The following BTBD9 variants were observed in gnomAD, a reference collection of about 807,000 sequenced individuals.
BTBD9 encodes the protein BTB domain containing 9, also known as BTB/POZ domain-containing protein 9.
BTBD9 carries 49 observed loss-of-function variants against 64.3 expected under a neutral mutation model. That is an observed-to-expected ratio of 0.76 (90% CI 0.61 to 0.97). The LOEUF is 0.97. BTBD9 is among the 50% of genes least tolerant of loss of function. BTBD9 has a pLI of 0.00. For missense variants in BTBD9, 598 were observed against 762.1 expected (o/e 0.78, Z 2.53); for synonymous variants, 260 against 274.7 (o/e 0.95, Z 0.53).
At chr6:38,545,489 T>C (rs913032401) in intron 6 of BTBD9, among the ~76,000 whole-genome samples, 6 of 152,040 alleles carry the variant, frequency 3.9e-5, no homozygotes, top group Admixed American at 3.3e-4. Context: ...TTTAAAAGAA[T>C]GAATTTTAGG....
chr6:38,300,315 G>C (rs534065662), intron 7 of BTBD9, among the ~76,000 whole-genome samples: 3 of 152,226 alleles, frequency 2.0e-5, no homozygotes, highest in Admixed American at 1.3e-4. Context: ...TTGTTCTTTA[G>C]GCTTAGGATT....
chr6:38,414,159 A>G (rs1767561873), intron 6 of BTBD9, among the ~76,000 whole-genome samples: 1 of 152,202 alleles, frequency 6.6e-6, no homozygotes, highest in South Asian at 2.1e-4. Flanking sequence ...AACTGACAAA[A>G]TTCGCCATTT....
intron 6 of BTBD9, among the ~76,000 whole-genome samples, chr6:38,576,396 C>T (rs1776035020): frequency 6.6e-6 from 1 of 152,172 alleles, no homozygotes; most frequent in Non-Finnish European, 1.5e-5. Context: ...TGATTTTCTT[C>T]ATTTTCACAC....
intron 4 of BTBD9, among the ~76,000 whole-genome samples, chr6:38,585,962 ACACACACACACACACACG>A (rs1776502270): frequency 2.0e-5 from 3 of 151,172 alleles, no homozygotes; most frequent in African/African-American, 7.4e-5. Context: ...ACACACACAC[ACACACACACACACACACG>A]CATATTTATG....
chr6:38,542,664 T>C (rs1302150559), intron 6 of BTBD9, among the ~76,000 whole-genome samples: 1 of 152,182 alleles, frequency 6.6e-6, no homozygotes, highest in Non-Finnish European at 1.5e-5. Flanking sequence ...CAAAACACTC[T>C]AGATTCCTTA....
chr6:38,634,214 C>T (rs1778456339), intron 1 of BTBD9, among the ~76,000 whole-genome samples: 1 of 152,204 alleles, frequency 6.6e-6, no homozygotes. Flanking sequence ...TGCACAGCTA[C>T]TGTTTTATTT....
At chr6:38,428,453 A>G (rs1486274553) in intron 6 of BTBD9, among the ~76,000 whole-genome samples, 1 of 148,848 alleles carries the variant, frequency 6.7e-6, no homozygotes, top group East Asian at 2.0e-4. Context: ...AGTGAGTGGC[A>G]TGATCGCGGC....
rs115069222 is a variant in BTBD9, at chr6:38,390,593, T to G, written c.1155-45500A>C. On this transcript the variant is annotated intron_variant, in intron 6 of 10. Coordinates refer to ENST00000481247, the MANE Select transcript of BTBD9 (RefSeq NM_001099272.2). ...ATAGGTGAAATCAAGACAAAAAGCA[T>G]GGGAAATCAAAGATCAACCAGACAT... Among the ~76,000 whole-genome samples, 991 of 152,224 alleles carry G rather than the reference T, an allele frequency of 6.5e-3. 8 individuals are homozygous for G. The highest frequency in any genetic ancestry group is 0.023 in the African/African-American group (938 of 41,530).
At chr6:38,544,335 C>T (rs940136298) in intron 6 of BTBD9, among the ~76,000 whole-genome samples, 2 of 151,852 alleles carry the variant, frequency 1.3e-5, no homozygotes, top group African/African-American at 4.8e-5. Context: ...TACTGAGAGA[C>T]AACTATATAT....
At chr6:38,332,237 C>T (rs73422856) in intron 7 of BTBD9, among the ~76,000 whole-genome samples, 3,608 of 152,092 alleles carry the variant, frequency 0.024, 138 homozygotes, top group African/African-American at 0.083. Flanking sequence ...GGAAGTTGTT[C>T]CTCACCTTGA....
chr6:38,251,253 A>AAAGAGG (rs1561927533), intron 9 of BTBD9, among the ~76,000 whole-genome samples: 1 of 151,220 alleles, frequency 6.6e-6, no homozygotes, highest in Non-Finnish European at 1.5e-5. Flanking sequence ...TAAGTTAATA[A>AAAGAGG]AAGAGGTGTG....
At position 38,183,182 on chromosome 6, in the gene BTBD9, G is replaced by A. The variant is rs187278592; in HGVS notation, c.1642-8000C>T. On this transcript the variant is annotated intron_variant, in intron 10 of 10. Coordinates refer to ENST00000481247, the MANE Select transcript of BTBD9 (RefSeq NM_001099272.2). ...CTTTTAGTAGAGATGGGGTTTCACC[G>A]TGTTAGCCAGGATGGTCTCGATCTG... Among the ~76,000 whole-genome samples, 686 of 152,216 alleles carry A rather than the reference G, an allele frequency of 4.5e-3. 5 individuals are homozygous for A. Among genetic ancestry groups the A allele is most frequent in the Non-Finnish European group, 6.5e-3 (439 of 68,004 alleles).
chr6:38,171,885 ATAAT>A lies in BTBD9; in HGVS notation c.*3096_*3099del, dbSNP rs1766803880. 1.6e-5 allele frequency: 2 copies of A among 126,912 alleles called. No individual in the cohort carries two copies. Among genetic ancestry groups the A allele is most frequent in the Admixed American group, 8.6e-5 (1 of 11,592 alleles). The allele number at this position is 126,912 out of a possible 1,614,324, so 7.9% of individuals were successfully genotyped here. A position where few individuals can be genotyped will look rare whatever the true frequency, so the allele number is the denominator to read the frequency against. On this transcript the variant is annotated 3_prime_UTR_variant, in exon 11 of 11. Coordinates refer to ENST00000481247, the MANE Select transcript of BTBD9 (RefSeq NM_001099272.2). ...AAAAAAAAAAAAAAAAAAAAAAATAATAATAATAATAATAATAATAATAATGAAA... is the reference window on the plus strand; with the variant it reads ...AAAAAAAAAAAAAAAAAAAAAAATAAAATAATAATAATAATAATAATGAAA...
intron 6 of BTBD9, among the ~76,000 whole-genome samples, chr6:38,447,935 T>G (rs1318861009): frequency 6.6e-6 from 1 of 152,152 alleles, no homozygotes; most frequent in Non-Finnish European, 1.5e-5. Context: ...ACGTGGACAT[T>G]TGGTCCTCAT....
chr6:38,528,800 G>A (rs921386316), intron 6 of BTBD9, among the ~76,000 whole-genome samples: 1 of 152,074 alleles, frequency 6.6e-6, no homozygotes, highest in Non-Finnish European at 1.5e-5. Context: ...CTCATTGTGG[G>A]CCTTGGGTAA....
chr6:38,601,669 C>T (rs1043362419), intron 1 of BTBD9, among the ~76,000 whole-genome samples: 1 of 151,896 alleles, frequency 6.6e-6, no homozygotes, highest in African/African-American at 2.4e-5. Flanking sequence ...CTGGGCAACA[C>T]AGCAAGACCC....
chr6:38,486,013 T>G (rs28889620), intron 6 of BTBD9, among the ~76,000 whole-genome samples: 14,709 of 152,216 alleles, frequency 0.097, 900 homozygotes, highest in East Asian at 0.15. Context: ...AGCTGCTGCT[T>G]CTTCTTGCAT....
intron 6 of BTBD9, among the ~76,000 whole-genome samples, chr6:38,472,824 A>G (rs79506018): frequency 2.0e-5 from 3 of 152,326 alleles, no homozygotes; most frequent in Non-Finnish European, 2.9e-5. Context: ...CATTACTCAC[A>G]TTTCACAGAA....
chr6:38,539,233 T>C (rs1774157584), intron 6 of BTBD9, among the ~76,000 whole-genome samples: 1 of 152,214 alleles, frequency 6.6e-6, no homozygotes. Flanking sequence ...CACCCAGTCC[T>C]GTTTACCAAA....
Sources: gnomAD v4.1 joint callset for allele counts (sites outside exome capture counted in the v4.1 genomes callset) on GRCh38, gnomAD v4.1.1 for gene constraint, MANE v1.5 for transcripts, NCBI Gene and HGNC (gene_info 2026-07-23, HGNC 2026-07-21) for gene names.